FAM180A: variants seen among roughly 807,000 people sequenced by gnomAD.
FAM180A encodes the protein family with sequence similarity 180 member A.
Under a neutral mutation model 15.3 loss-of-function variants are expected in FAM180A, and 14 were observed. The ratio of observed to expected loss-of-function variants is 0.92; its 90% confidence interval spans 0.61 to 1.43. The LOEUF is 1.43. FAM180A is among the 40% of genes most tolerant of loss of function. The probability of loss-of-function intolerance (pLI) is 0.00; values close to 1 mark genes in which losing one functional copy is unlikely to be tolerated. For missense variants in FAM180A, 200 were observed against 220.8 expected (o/e 0.91, Z 0.60); for synonymous variants, 90 against 96.8 (o/e 0.93, Z 0.41).
Position 135,733,677 on chromosome 7 carries a change from T to C in FAM180A, c.*298A>G. Reference sequence around the variant, plus strand: ...TCACTCTTGAGTGTGTGGCCACTGCTCTGGGTTGAAGCATATCAGAATTCT... The same window carrying C: ...TCACTCTTGAGTGTGTGGCCACTGCCCTGGGTTGAAGCATATCAGAATTCT... On this transcript the variant is annotated 3_prime_UTR_variant, in exon 3 of 4. Coordinates refer to ENST00000338588, the MANE Select transcript of FAM180A (RefSeq NM_205855.4). 1 of 1,174,246 alleles carries C rather than the reference T, an allele frequency of 8.5e-7. No homozygotes were observed. The highest frequency in any genetic ancestry group is 1.1e-6 in the Non-Finnish European group (1 of 950,338). 72.7% of individuals were successfully genotyped at this position (1,174,246 alleles called of 1,614,324 possible).
At chr7:135,737,432 C>CA (rs5887742) in intron 1 of FAM180A, among the ~76,000 whole-genome samples, 94,146 of 151,120 alleles carry the variant, frequency 0.62, 29,637 homozygotes, top group African/African-American at 0.71. Context: ...ACTAAAATTA[C>CA]AAAAAACAGC....
chr7:135,748,264 A>G (rs1797059411), intron 1 of FAM180A, among the ~76,000 whole-genome samples: 1 of 152,176 alleles, frequency 6.6e-6, no homozygotes, highest in African/African-American at 2.4e-5. Context: ...GGGATGCCAG[A>G]AAGGGGTACT....
Position 135,734,799 on chromosome 7 carries a change from T to G in FAM180A, c.178-480A>C, listed in dbSNP as rs1010251122. On this transcript the variant is annotated intron_variant, in intron 2 of 3. Coordinates refer to ENST00000338588, the MANE Select transcript of FAM180A (RefSeq NM_205855.4). The stretch of plus-strand genomic sequence containing the variant: ...ATTCAAAGACAAGGTGAGACTGGAT[T>G]GGGCTGTGGGCCCCTTGCTGTTTCT... Among the ~76,000 whole-genome samples, 10 of 152,358 alleles carry G rather than the reference T, an allele frequency of 6.6e-5. No homozygotes were observed. In the East Asian group the frequency reaches 1.9e-3, roughly 29 times the overall value.
At chr7:135,737,773 G>T (rs1286129741) in intron 1 of FAM180A, among the ~76,000 whole-genome samples, 1 of 151,648 alleles carries the variant, frequency 6.6e-6, no homozygotes, top group Non-Finnish European at 1.5e-5. Context: ...GAAAAGAAAA[G>T]AAAAAGAAAA....
Position 135,734,253 on chromosome 7 carries a change from A to AGGCC in FAM180A, c.240_243dup (p.Ser82GlyfsTer44). ...CGGAAGTCTGAGGCCTTCCGCAAGGAGGCCAGCTCCTCGTCCTTGATGGAG... is the reference window on the plus strand; with the variant it reads ...CGGAAGTCTGAGGCCTTCCGCAAGGAGGCCGGCCAGCTCCTCGTCCTTGATGGAG... On this transcript the variant is annotated frameshift_variant, in exon 3 of 4. Transcript: ENST00000338588. LOFTEE classifies it high-confidence loss of function. The AGGCC allele has an allele frequency of 6.2e-7, 1 of 1,614,134 alleles. No individual in the cohort carries two copies. The highest frequency in any genetic ancestry group is 8.5e-7 in the Non-Finnish European group (1 of 1,179,976).
chr7:135,732,593 T>C (rs1285863668), intron 3 of FAM180A, among the ~76,000 whole-genome samples: 1 of 151,788 alleles, frequency 6.6e-6, no homozygotes, highest in Non-Finnish European at 1.5e-5. Flanking sequence ...CTCGGGAGGC[T>C]GAAGCAGGAG....
intron 1 of FAM180A, among the ~76,000 whole-genome samples, chr7:135,747,628 C>A (rs779128921): frequency 4.6e-5 from 7 of 152,102 alleles, no homozygotes; most frequent in Non-Finnish European, 7.3e-5. Context: ...TGCCACCATG[C>A]CAGTTGCCTT....
intron 1 of FAM180A, among the ~76,000 whole-genome samples, chr7:135,745,287 T>A (rs1797015230): frequency 6.6e-6 from 1 of 152,222 alleles, no homozygotes; most frequent in African/African-American, 2.4e-5. Flanking sequence ...AGGGCTGCTC[T>A]ATTAAACTAC....
intron 1 of FAM180A, among the ~76,000 whole-genome samples, chr7:135,738,757 C>T (rs781453834): frequency 6.6e-6 from 1 of 152,192 alleles, no homozygotes; most frequent in Non-Finnish European, 1.5e-5. Flanking sequence ...CACAGCCCCT[C>T]TGGGGAGCAG....
At position 135,748,592 on chromosome 7, in the gene FAM180A, A is replaced by C. The variant is rs1797064067; in HGVS notation, c.-12T>G. 6.2e-7 allele frequency: 1 copy of C among 1,613,110 alleles called. No homozygotes were observed. ...ATCTTCCAATGCATCTTGTCCTTCA[A>C]AAGGTGAAAAATCGACCCTCAAGCC... On this transcript the variant is annotated 5_prime_UTR_variant, in exon 1 of 4. Coordinates refer to ENST00000338588, the MANE Select transcript of FAM180A (RefSeq NM_205855.4).
intron 1 of FAM180A, 131 bp downstream of exon 1, chr7:135,748,374 C>T: frequency 1.4e-6 from 1 of 718,512 alleles, no homozygotes; most frequent in Non-Finnish European, 2.4e-6. Flanking sequence ...CGTCAAGAAG[C>T]ATCAAGGAAT....
chr7:135,737,777 A>C (rs368229236), intron 1 of FAM180A, among the ~76,000 whole-genome samples: 2 of 152,074 alleles, frequency 1.3e-5, no homozygotes, highest in East Asian at 3.9e-4. Context: ...AGAAAAGAAA[A>C]AGAAAAAGAA....
At position 135,748,669 on chromosome 7, in the gene FAM180A, A is replaced by G. The variant is rs1797065033; in HGVS notation, c.-89T>C. ...TGCCCGTGCCGTTCTTCCCAGTGAG[A>G]TGATGGAGTGCTTCCCTCCCTTCCT... On this transcript the variant is annotated 5_prime_UTR_variant, in exon 1 of 4. Transcript: ENST00000338588. The G allele has an allele frequency of 2.1e-6, 2 of 973,084 alleles. No individual in the cohort carries two copies. Among genetic ancestry groups the G allele is most frequent in the Non-Finnish European group, 3.3e-6 (2 of 601,648 alleles). The allele number at this position is 973,084 out of a possible 1,614,324, so 60.3% of individuals were successfully genotyped here. A position where few individuals can be genotyped will look rare whatever the true frequency, so the allele number is the denominator to read the frequency against.
chr7:135,747,460 T>C (rs1429884081), intron 1 of FAM180A, among the ~76,000 whole-genome samples: 2 of 152,106 alleles, frequency 1.3e-5, no homozygotes, highest in East Asian at 1.9e-4. Flanking sequence ...AAGTCCCTAA[T>C]GTCACGTTTA....
At chr7:135,742,448 G>T (rs1014137972) in intron 1 of FAM180A, among the ~76,000 whole-genome samples, 1 of 152,202 alleles carries the variant, frequency 6.6e-6, no homozygotes, top group African/African-American at 2.4e-5. Flanking sequence ...TCCCCAGGAA[G>T]CCTTTCCTGA....
intron 1 of FAM180A, among the ~76,000 whole-genome samples, chr7:135,746,768 G>A (rs1164120263): frequency 6.6e-6 from 1 of 152,098 alleles, no homozygotes; most frequent in African/African-American, 2.4e-5. Flanking sequence ...AAAACAGGGT[G>A]ACTACAGTCA....
At position 135,737,094 on chromosome 7, in the gene FAM180A, C is replaced by A. The variant is rs1347861735; in HGVS notation, c.177+5G>T. The A allele has an allele frequency of 1.2e-6, 2 of 1,607,516 alleles. No homozygotes were observed. The highest frequency in any genetic ancestry group is 8.5e-7 in the Non-Finnish European group (1 of 1,175,442). On this transcript the variant is annotated splice_donor_5th_base_variant and intron_variant, in intron 2 of 3. Transcript: ENST00000338588. ...CTTGGATTGAGCATGTTCCCCTCTG[C>A]CTACCTCGTAGAGCAGCTCCACCTC... is the stretch of plus-strand genomic sequence containing the variant.
Position 135,737,087 on chromosome 7 carries a change from C to T in FAM180A, c.177+12G>A. Reference sequence around the variant, plus strand: ...TGGGTGACTTGGATTGAGCATGTTCCCCTCTGCCTACCTCGTAGAGCAGCT... The same window carrying T: ...TGGGTGACTTGGATTGAGCATGTTCTCCTCTGCCTACCTCGTAGAGCAGCT... On this transcript the variant is annotated intron_variant, in intron 2 of 3. Transcript: ENST00000338588. 1 of 1,598,234 alleles carries T rather than the reference C, an allele frequency of 6.3e-7. No homozygotes were observed. The highest frequency in any genetic ancestry group is 1.1e-5 in the South Asian group (1 of 89,646).
At chr7:135,736,996 T>G in intron 2 of FAM180A, 103 bp downstream of exon 2, 5 of 879,518 alleles carry the variant, frequency 5.7e-6, no homozygotes, top group Non-Finnish European at 9.3e-6. Context: ...CAGGGGTCAC[T>G]CATGGTCAGG....
Sources: allele counts gnomAD v4.1 joint callset (sites outside exome capture counted in the v4.1 genomes callset), GRCh38; gene constraint gnomAD v4.1.1; transcripts MANE v1.5; gene names NCBI Gene and HGNC (gene_info 2026-07-23, HGNC 2026-07-21).